The following SLC7A6 variants were observed in gnomAD, a reference collection of about 807,000 sequenced individuals.
SLC7A6 encodes the protein Y+L amino acid transporter 2.
In SLC7A6, 29 loss-of-function variants were observed where a neutral mutation model predicts 46.6. The ratio of observed to expected loss-of-function variants is 0.62; its 90% CI spans 0.46 to 0.85. The LOEUF is 0.85. SLC7A6 is among the 40% of genes least tolerant of loss of function. The pLI is 0.00. For missense variants in SLC7A6, 527 were observed against 647.6 expected, an observed-to-expected ratio of 0.81 and a Z score of 2.02; for synonymous variants, 276 against 257.3, an observed-to-expected ratio of 1.07 and a Z score of -0.70.
chr16:68,269,548 G>T (rs2042589416), intron 2 of SLC7A6, among the ~76,000 whole-genome samples: 1 of 151,936 alleles, frequency 6.6e-6, no homozygotes, highest in African/African-American at 2.4e-5. Flanking sequence ...CTTACGGTTG[G>T]TTTGCAGGAG....
rs1444397588 is a variant in SLC7A6, at chr16:68,294,744, C to T, written c.1062C>T (p.Asp354=). ...FVGSREGHLP[D]LLSMIHIERF... Reference sequence around the variant, plus strand: ...GCTCCCGGGAGGGCCACCTACCGGACCTTCTGTCCATGATCCACATTGAGC... The same window carrying T: ...GCTCCCGGGAGGGCCACCTACCGGATCTTCTGTCCATGATCCACATTGAGC... The change falls in exon 8 of 11, where the codon GAC becomes GAT. Residue 354 remains aspartate, a synonymous_variant. Transcript: ENST00000219343. 6.2e-7 allele frequency: 1 copy of T among 1,614,044 alleles called. No individual in the cohort carries two copies. The highest frequency in any genetic ancestry group is 8.5e-7 in the Non-Finnish European group (1 of 1,179,948).
Position 68,275,165 on chromosome 16 carries a change from T to A in SLC7A6, c.439T>A (p.Phe147Ile). The stretch of plus-strand genomic sequence containing the variant: ...CGGTCAGGCCATCATCGCCATCACC[T>A]TTGCCAACTACATCATCCAGCCGTC... ...PTGQAIIAIT[F>I]ANYIIQPSFP... The change falls in exon 3 of 11, where the codon TTT becomes ATT. Residue 147 changes from phenylalanine to isoleucine, a missense_variant. By Grantham distance (21) the Phe-to-Ile change is conservative. Transcript: ENST00000219343. The A allele has an allele frequency of 6.2e-7, 1 of 1,614,034 alleles. No individual in the cohort carries two copies. The highest frequency in any genetic ancestry group is 8.5e-7 in the Non-Finnish European group (1 of 1,180,014).
rs1303972058 is a variant in SLC7A6, at chr16:68,266,646, C to A, written c.-112C>A. The stretch of plus-strand genomic sequence containing the variant: ...AATTAGGCCTTGCTGCAGGGGACTT[C>A]ATTTCCTTCTCAGTACTGGACCCAT... On this transcript the variant is annotated 5_prime_UTR_variant, in exon 2 of 11. Transcript: ENST00000219343. 1 of 152,122 alleles carries A rather than the reference C, an allele frequency of 6.6e-6. No individual in the cohort carries two copies. The highest frequency in any genetic ancestry group is 1.5e-5 in the Non-Finnish European group (1 of 68,012). The allele number at this position is 152,122 out of a possible 1,614,324, so 9.4% of individuals were successfully genotyped here.
rs1201446776 is a variant in SLC7A6, at chr16:68,291,651, G to A, written c.1012G>A (p.Ala338Thr). ...TGGGGGCCTCAATGCATCCATCTTT[G>A]CTTCATCAAGGTACTGTGTCTCTGT... The part of the protein sequence containing the change: ...CFGGLNASIF[A>T]SSRLFFVGSR... Residue 338 changes from alanine to threonine, a missense_variant, in exon 7 of 11, where the codon GCT (alanine) becomes ACT (threonine). Ala to Thr is a moderately conservative substitution (Grantham distance 58, BLOSUM62 0). Coordinates refer to ENST00000219343, the MANE Select transcript of SLC7A6 (RefSeq NM_003983.6). The A allele has an allele frequency of 1.2e-6, 2 of 1,613,842 alleles. No individual in the cohort carries two copies. The highest frequency in any genetic ancestry group is 1.3e-5 in the African/African-American group (1 of 75,004).
chr16:68,288,108 A>G (rs1353132971), intron 4 of SLC7A6, among the ~76,000 whole-genome samples: 1 of 152,146 alleles, frequency 6.6e-6, no homozygotes, highest in Non-Finnish European at 1.5e-5. Flanking sequence ...GGCTGGGAGC[A>G]TTGCAGGAAG....
chr16:68,285,116 A>G (rs1456978551), intron 3 of SLC7A6, among the ~76,000 whole-genome samples: 1 of 151,376 alleles, frequency 6.6e-6, no homozygotes, highest in Non-Finnish European at 1.5e-5. Context: ...CTATTTACTT[A>G]TGGTTTCTGT....
intron 2 of SLC7A6, among the ~76,000 whole-genome samples, chr16:68,271,494 G>A (rs2042623135): frequency 6.6e-6 from 1 of 151,582 alleles, no homozygotes; most frequent in African/African-American, 2.4e-5. Context: ...TAGTTTTTTG[G>A]TGTAGACAGG....
chr16:68,267,135 A>G (rs1268348031), intron 2 of SLC7A6, among the ~76,000 whole-genome samples: 1 of 148,856 alleles, frequency 6.7e-6, no homozygotes, highest in Admixed American at 6.7e-5. Flanking sequence ...GGGCTTTACC[A>G]TGTTGGCCAG....
At position 68,291,107 on chromosome 16, in the gene SLC7A6, A is replaced by C. The variant is rs1343330553; in HGVS notation, c.795-102A>C. 8.2e-6 allele frequency: 12 copies of C among 1,468,990 alleles called. No homozygotes were observed. In the East Asian group the frequency reaches 2.5e-4, roughly 31 times the overall value. The allele number at this position is 1,468,990 out of a possible 1,614,324, so 91.0% of individuals were successfully genotyped here. ...AGCCTCCCTCAAAGACTTGGAGGCT[A>C]GTGAACTGTTAAATGTTAGGAAAAT... On this transcript the variant is annotated intron_variant, in intron 5 of 10. Coordinates refer to ENST00000219343, the MANE Select transcript of SLC7A6 (RefSeq NM_003983.6).
chr16:68,294,779 C>G lies in SLC7A6; in HGVS notation c.1097C>G (p.Pro366Arg). The G allele has an allele frequency of 6.2e-7, 1 of 1,613,786 alleles. No individual in the cohort carries two copies. Among genetic ancestry groups the G allele is most frequent in the Non-Finnish European group, 8.5e-7 (1 of 1,179,708 alleles). The change falls in exon 8 of 11, where the codon CCT (proline) becomes CGT (arginine). Residue 366 changes from proline (P) to arginine (R), a missense_variant. Transcript: ENST00000219343. ...LSMIHIERFT[P>R]IPALLFNCTM... ...ATGATCCACATTGAGCGTTTTACAC[C>G]TATCCCTGCTTTACTGTTCAATGTA... is the stretch of plus-strand genomic sequence containing the variant.
intron 7 of SLC7A6, 168 bp from the exon 8 acceptor site, chr16:68,294,537 G>C (rs1418665287): frequency 5.0e-6 from 3 of 602,396 alleles, no homozygotes; most frequent in Non-Finnish European, 8.9e-6. Flanking sequence ...GTAGGGAAGG[G>C]GGGAGCAGGG....
Position 68,297,595 on chromosome 16 carries a change from A to G in SLC7A6, c.*267A>G, listed in dbSNP as rs1248970877. The stretch of plus-strand genomic sequence containing the variant: ...AGTTTTACTCCTGATAGGTAGATGC[A>G]GCTCTTACAGATATTTACTTGGTAA... On this transcript the variant is annotated 3_prime_UTR_variant, in exon 11 of 11. Coordinates refer to ENST00000219343, the MANE Select transcript of SLC7A6 (RefSeq NM_003983.6). The G allele has an allele frequency of 1.9e-5, 7 of 370,438 alleles. No homozygotes were observed. The highest frequency in any genetic ancestry group is 1.4e-4 in the South Asian group (3 of 21,696). The allele number at this position is 370,438 out of a possible 1,614,324, so 22.9% of individuals were successfully genotyped here. A position where few individuals can be genotyped will look rare whatever the true frequency, so the allele number is the denominator to read the frequency against.
chr16:68,283,016 A>G (rs1215357075), intron 3 of SLC7A6, among the ~76,000 whole-genome samples: 1 of 152,196 alleles, frequency 6.6e-6, no homozygotes, highest in East Asian at 1.9e-4. Flanking sequence ...AGGAATTGGA[A>G]GGTTTCCCTC....
At position 68,264,550 on chromosome 16, in the gene SLC7A6, A is replaced by C. The variant is rs1176998648; in HGVS notation, c.-192A>C. On this transcript the variant is annotated 5_prime_UTR_variant, in exon 1 of 11. Coordinates refer to ENST00000219343, the MANE Select transcript of SLC7A6 (RefSeq NM_003983.6). The surrounding 1 kb of genome is among the most constrained non-coding windows in gnomAD (Gnocchi z 5.8). ...CGCGGCGGCGGCGGCGCGACCGAGCATCCTGGCGGCGCCGGGCCACTGGGA... is the reference window on the plus strand; with the variant it reads ...CGCGGCGGCGGCGGCGCGACCGAGCCTCCTGGCGGCGCCGGGCCACTGGGA... 6.6e-6 allele frequency: 1 copy of C among 151,600 alleles called. No homozygotes were observed. The highest frequency in any genetic ancestry group is 1.5e-5 in the Non-Finnish European group (1 of 67,768). The allele number at this position is 151,600 out of a possible 1,614,324, so 9.4% of individuals were successfully genotyped here. A position where few individuals can be genotyped will look rare whatever the true frequency, so the allele number is the denominator to read the frequency against.
At chr16:68,280,821 G>A (rs1386025550) in intron 3 of SLC7A6, among the ~76,000 whole-genome samples, 2 of 151,690 alleles carry the variant, frequency 1.3e-5, no homozygotes, top group African/African-American at 2.4e-5. Flanking sequence ...TGCAAGCTCC[G>A]CCTCCCAGGT....
At chr16:68,267,917 A>T (rs1050436543) in intron 2 of SLC7A6, among the ~76,000 whole-genome samples, 3 of 151,978 alleles carry the variant, frequency 2.0e-5, no homozygotes, top group African/African-American at 7.3e-5. Flanking sequence ...CTCTATAAAA[A>T]CCCAAGAGGC....
At chr16:68,277,402 C>T (rs948953140) in intron 3 of SLC7A6, among the ~76,000 whole-genome samples, 4 of 150,208 alleles carry the variant, frequency 2.7e-5, no homozygotes, top group Admixed American at 1.3e-4. Flanking sequence ...GGCGCTATCT[C>T]GACTCACACC....
At chr16:68,287,645 C>T (rs2042964741) in intron 3 of SLC7A6, 101 bp from the exon 4 acceptor site, 1 of 1,546,522 alleles carries the variant, frequency 6.5e-7, no homozygotes, top group African/African-American at 1.4e-5. Context: ...GGCCCCTTTG[C>T]CTTAGGCAGG....
At chr16:68,287,406 T>G (rs768290407) in intron 3 of SLC7A6, 155 of 1,308,060 alleles carry the variant, frequency 1.2e-4, no homozygotes, top group Non-Finnish European at 1.5e-4. Flanking sequence ...CTCCTGTGGT[T>G]TGGAACCTTG....
Sources: allele counts gnomAD v4.1 joint callset (sites outside exome capture counted in the v4.1 genomes callset), GRCh38; gene constraint gnomAD v4.1.1; non-coding constraint Gnocchi (gnomAD v3.1); transcripts MANE v1.5; gene names NCBI Gene and HGNC (gene_info 2026-07-23, HGNC 2026-07-21).